Variants in KCNH5 observed in about 807,000 individuals in gnomAD.
KCNH5 encodes the protein voltage-gated delayed rectifier potassium channel KCNH5.
A neutral mutation model predicts 96.1 loss-of-function variants in KCNH5; 46 were observed. The ratio of observed to expected loss-of-function variants is 0.48; its 90% CI spans 0.38 to 0.61. KCNH5 has a LOEUF of 0.61. KCNH5 is among the 20% of genes least tolerant of loss of function. The pLI, the probability that KCNH5 is intolerant of heterozygous loss-of-function variation, is 0.00. For synonymous variants in KCNH5, 439 were observed against 449.8 expected (o/e 0.98, Z 0.30); for missense variants, 907 against 1,225.8 (o/e 0.74, Z 3.88).
At chr14:62,882,193 G>C (rs932767352) in intron 7 of KCNH5, among the ~76,000 whole-genome samples, 1 of 149,066 alleles carries the variant, frequency 6.7e-6, no homozygotes, top group African/African-American at 2.5e-5. Context: ...GGGCCCACAT[G>C]TTCAAGGCTG....
At chr14:63,003,862 C>A (rs938852313) in intron 3 of KCNH5, among the ~76,000 whole-genome samples, 3 of 151,490 alleles carry the variant, frequency 2.0e-5, no homozygotes, top group African/African-American at 4.9e-5. Context: ...CCTCGTGATC[C>A]GCCCGCCTCG....
chr14:63,008,855 A>T (rs1223364572), intron 2 of KCNH5, among the ~76,000 whole-genome samples: 2 of 152,068 alleles, frequency 1.3e-5, no homozygotes, highest in Non-Finnish European at 2.9e-5. Flanking sequence ...AAGAACATAA[A>T]GCCACTTCTC....
At chr14:62,945,783 G>A (rs1889875820) in intron 7 of KCNH5, among the ~76,000 whole-genome samples, 1 of 152,006 alleles carries the variant, frequency 6.6e-6, no homozygotes, top group Non-Finnish European at 1.5e-5. Context: ...TAAGCAATGG[G>A]AAAGCAAGTA....
intron 7 of KCNH5, among the ~76,000 whole-genome samples, chr14:62,855,582 C>T (rs1472233481): frequency 1.3e-5 from 2 of 152,148 alleles, no homozygotes. Flanking sequence ...ATCAATTTAA[C>T]GTTAATAACA....
At chr14:62,962,915 T>A (rs955397731) in intron 6 of KCNH5, among the ~76,000 whole-genome samples, 4 of 152,190 alleles carry the variant, frequency 2.6e-5, no homozygotes, top group African/African-American at 9.6e-5. Context: ...TGACATTATC[T>A]GCTCCTGCTC....
chr14:62,980,617 G>A (rs1032282279), intron 6 of KCNH5, among the ~76,000 whole-genome samples: 1 of 152,078 alleles, frequency 6.6e-6, no homozygotes, highest in Non-Finnish European at 1.5e-5. Flanking sequence ...AAATGCCGCC[G>A]CTTTTCTTCT....
Position 62,980,983 on chromosome 14 carries a change from G to T in KCNH5, c.831C>A (p.Val277=), listed in dbSNP as rs1403487084. 2.5e-6 allele frequency: 4 copies of T among 1,614,086 alleles called. No homozygotes were observed. The highest frequency in any genetic ancestry group is 1.1e-5 in the South Asian group (1 of 91,056). ...HTTFVGPGGE[V]ISDPKLIRMN... The stretch of plus-strand genomic sequence containing the variant: ...TCCTTATGAGCTTAGGGTCAGAAAT[G>T]ACCTCTCCACCGGGCCCCACGAAAG... Residue 277 remains valine (V), a synonymous_variant, in exon 6 of 11, where the codon GTC becomes GTA. Coordinates refer to ENST00000322893, the MANE Select transcript of KCNH5 (RefSeq NM_139318.5).
At chr14:62,971,530 A>G (rs1325294946) in intron 6 of KCNH5, among the ~76,000 whole-genome samples, 1 of 152,104 alleles carries the variant, frequency 6.6e-6, no homozygotes, top group Non-Finnish European at 1.5e-5. Context: ...TAGACAGGCA[A>G]AAAATTCAAA....
chr14:62,886,826 A>T (rs1370890768), intron 7 of KCNH5, among the ~76,000 whole-genome samples: 1 of 152,220 alleles, frequency 6.6e-6, no homozygotes, highest in African/African-American at 2.4e-5. Flanking sequence ...CTTGATTTAA[A>T]AAAGGGAGGA....
intron 10 of KCNH5, among the ~76,000 whole-genome samples, chr14:62,733,878 A>G (rs527589673): frequency 2.0e-5 from 3 of 152,212 alleles, no homozygotes; most frequent in Admixed American, 1.3e-4. Flanking sequence ...CCTTGACCCA[A>G]TGCTCTTTTA....
chr14:62,714,321 C>T (rs944039178), intron 10 of KCNH5, among the ~76,000 whole-genome samples: 9 of 151,934 alleles, frequency 5.9e-5, no homozygotes, highest in African/African-American at 2.2e-4. Flanking sequence ...TTACCTTTAG[C>T]TTTATTTTTA....
chr14:62,737,448 A>T (rs1173650585), intron 10 of KCNH5, among the ~76,000 whole-genome samples: 2 of 152,186 alleles, frequency 1.3e-5, no homozygotes, highest in African/African-American at 4.8e-5. Flanking sequence ...ACCTGGCATA[A>T]GTGGCCTTAG....
At chr14:63,003,164 A>G (rs996748289) in intron 3 of KCNH5, among the ~76,000 whole-genome samples, 1 of 152,082 alleles carries the variant, frequency 6.6e-6, no homozygotes, top group African/African-American at 2.4e-5. Context: ...TCTGGCACAG[A>G]GTCTGGGCTC....
In KCNH5 at chr14:62,752,956, G is replaced by A. The variant is rs188472854; in HGVS notation, c.2019+26772C>T. Among the ~76,000 whole-genome samples the A allele has an allele frequency of 1.5e-3, 226 of 152,226 alleles. 1 individual carries two copies. The Middle Eastern group carries it at 0.017, about 11-fold the overall frequency. On this transcript the variant is annotated intron_variant, in intron 10 of 10. Coordinates refer to ENST00000322893, the MANE Select transcript of KCNH5 (RefSeq NM_139318.5). ...CCCAGTCTCAGATAGTATCTTTATA[G>A]CAGTGTGAAAACAGACTAATACAAT...
At chr14:62,748,650 G>A (rs186418566) in intron 10 of KCNH5, among the ~76,000 whole-genome samples, 3 of 152,258 alleles carry the variant, frequency 2.0e-5, no homozygotes, top group East Asian at 3.9e-4. Context: ...GAATAGGGGT[G>A]ATGATATTCC....
intron 8 of KCNH5, among the ~76,000 whole-genome samples, chr14:62,808,783 G>C (rs1402197344): frequency 2.6e-5 from 4 of 152,066 alleles, no homozygotes; most frequent in Non-Finnish European, 5.9e-5. Context: ...AGTAACCAAA[G>C]TTCCTTATCA....
Position 62,861,637 on chromosome 14 carries a change from TACACACACAC to T in KCNH5, c.1370-11795_1370-11786del, listed in dbSNP as rs142699720. Among the ~76,000 whole-genome samples the T allele has an allele frequency of 2.2e-4, 31 of 141,916 alleles. No homozygotes were observed. In the East Asian group the frequency reaches 5.1e-3, roughly 23 times the overall value. The allele number at this position is 141,916 out of a possible 152,430, so 93.1% of individuals were successfully genotyped here. A position where few individuals can be genotyped will look rare whatever the true frequency, so the allele number is the denominator to read the frequency against. On this transcript the variant is annotated intron_variant, in intron 7 of 10. Coordinates refer to ENST00000322893, the MANE Select transcript of KCNH5 (RefSeq NM_139318.5). ...CACATTTCCCCCCACCATCTCCATT[TACACACACAC>T]ACACACACACACACACACACACACA...
chr14:62,794,135 T>C (rs1886491282), intron 9 of KCNH5, among the ~76,000 whole-genome samples: 1 of 151,998 alleles, frequency 6.6e-6, no homozygotes. Flanking sequence ...TATTTATAGA[T>C]ACTTAGTAGC....
intron 1 of KCNH5, among the ~76,000 whole-genome samples, chr14:63,034,690 C>T (rs761420246): frequency 2.6e-5 from 4 of 152,194 alleles, no homozygotes; most frequent in Admixed American, 6.5e-5. Context: ...ATCTCCTTCA[C>T]GATCAAAGGT....
Sources: allele counts gnomAD v4.1 joint callset (sites outside exome capture counted in the v4.1 genomes callset), GRCh38; gene constraint gnomAD v4.1.1; transcripts MANE v1.5; gene names NCBI Gene and HGNC (gene_info 2026-07-23, HGNC 2026-07-21).